Variants in BCAT1 observed in about 807,000 individuals in gnomAD.
BCAT1 encodes the protein branched-chain-amino-acid aminotransferase, cytosolic.
In BCAT1, 48 loss-of-function variants were observed where a neutral mutation model predicts 52.4. The observed-to-expected ratio is 0.92, with a 90% CI of 0.73 to 1.16. The LOEUF is 1.16. Ranked by LOEUF, BCAT1 falls within the 50% of genes most tolerant of loss-of-function variation. The pLI, the probability that BCAT1 is intolerant of heterozygous loss-of-function variation, is 0.00. For missense variants in BCAT1, 451 were observed against 457.1 expected (o/e 0.99, Z 0.12); for synonymous variants, 167 against 161.3 (o/e 1.04, Z -0.27).
chr12:24,919,617 A>G (rs1371867224), intron 1 of BCAT1, among the ~76,000 whole-genome samples: 2 of 152,246 alleles, frequency 1.3e-5, no homozygotes, highest in African/African-American at 4.8e-5. Context: ...GGTAGACCCT[A>G]TAATATACCA....
intron 1 of BCAT1, 119 bp from the exon 2 acceptor site, chr12:24,902,004 A>C: frequency 6.3e-7 from 1 of 1,594,478 alleles, no homozygotes; most frequent in Non-Finnish European, 8.5e-7. Context: ...GGCAAACACA[A>C]AAAAGGAGGC....
At chr12:24,904,538 T>A (rs547746070) in intron 1 of BCAT1, 2 of 152,336 alleles carry the variant, frequency 1.3e-5, no homozygotes, top group East Asian at 3.9e-4. Flanking sequence ...TCCTCCCCAT[T>A]AAGGGCTTCT....
intron 2 of BCAT1, among the ~76,000 whole-genome samples, chr12:24,897,108 C>T (rs574171512): frequency 7.2e-5 from 11 of 152,074 alleles, no homozygotes; most frequent in South Asian, 2.1e-4. Context: ...CAATACAGTA[C>T]GACAAACTTA....
At chr12:24,877,983 A>T (rs1162781758) in intron 5 of BCAT1, among the ~76,000 whole-genome samples, 1 of 152,030 alleles carries the variant, frequency 6.6e-6, no homozygotes, top group Non-Finnish European at 1.5e-5. Context: ...GTGAGACATC[A>T]TCTCTACAAA....
chr12:24,907,603 A>T (rs1943246325), intron 1 of BCAT1, among the ~76,000 whole-genome samples: 1 of 152,184 alleles, frequency 6.6e-6, no homozygotes, highest in African/African-American at 2.4e-5. Context: ...TGCCCTTGCG[A>T]TAATGTACTT....
intron 3 of BCAT1, among the ~76,000 whole-genome samples, chr12:24,887,105 A>G (rs1284485059): frequency 5.6e-5 from 7 of 125,994 alleles, no homozygotes; most frequent in Non-Finnish European, 1.2e-4. Context: ...ATATATATAT[A>G]TATATAAAGC....
intron 1 of BCAT1, among the ~76,000 whole-genome samples, chr12:24,926,362 C>G (rs9668094): frequency 0.33 from 49,930 of 151,750 alleles, 8,958 homozygotes; most frequent in Middle Eastern, 0.53. Flanking sequence ...TGGCCAGCCG[C>G]CCCGTCCGGG....
chr12:24,893,846 C>T (rs1942898359), intron 3 of BCAT1, among the ~76,000 whole-genome samples: 1 of 152,202 alleles, frequency 6.6e-6, no homozygotes, highest in Non-Finnish European at 1.5e-5. Context: ...AATTACATGT[C>T]CCTTAACATG....
At chr12:24,907,991 A>G (rs1943254926) in intron 1 of BCAT1, among the ~76,000 whole-genome samples, 1 of 152,214 alleles carries the variant, frequency 6.6e-6, no homozygotes, top group Admixed American at 6.5e-5. Flanking sequence ...AGTGCCGGAC[A>G]TGCTGTGGAG....
intron 5 of BCAT1, among the ~76,000 whole-genome samples, chr12:24,858,603 T>C (rs933252891): frequency 2.0e-5 from 3 of 152,204 alleles, no homozygotes; most frequent in African/African-American, 7.2e-5. Flanking sequence ...GACTCAGACC[T>C]TATCTGCACT....
At chr12:24,903,165 T>A in intron 1 of BCAT1, 1 of 1,240,964 alleles carries the variant, frequency 8.1e-7, no homozygotes, top group Non-Finnish European at 1.0e-6. Context: ...CCCTCCAGCA[T>A]CCCTTGGGGA....
intron 8 of BCAT1, among the ~76,000 whole-genome samples, chr12:24,836,269 A>G (rs1416583661): frequency 6.6e-6 from 1 of 152,190 alleles, no homozygotes; most frequent in Non-Finnish European, 1.5e-5. Flanking sequence ...TACTACTAGA[A>G]TACTTCTCCA....
chr12:24,883,818 T>C (rs1305784874), intron 3 of BCAT1, among the ~76,000 whole-genome samples: 5 of 152,100 alleles, frequency 3.3e-5, no homozygotes, highest in African/African-American at 7.2e-5. Flanking sequence ...GTGCACCACC[T>C]AGATTCCTGC....
chr12:24,829,277 G>A (rs11047665), intron 10 of BCAT1, among the ~76,000 whole-genome samples: 21,377 of 151,950 alleles, frequency 0.14, 1,894 homozygotes, highest in Middle Eastern at 0.23. Flanking sequence ...CCAGCTACTC[G>A]GGAGGCTGAG....
At chr12:24,910,240 G>C (rs904269183) in intron 1 of BCAT1, among the ~76,000 whole-genome samples, 4 of 152,024 alleles carry the variant, frequency 2.6e-5, no homozygotes, top group African/African-American at 4.8e-5. Context: ...AGCTGGGCTT[G>C]ATGGCGGGTG....
intron 1 of BCAT1, chr12:24,903,145 A>C: frequency 7.7e-7 from 1 of 1,302,920 alleles, no homozygotes; most frequent in Non-Finnish European, 9.7e-7. Context: ...GGCGCAGGGT[A>C]CGACGCAACC....
At chr12:24,948,024 G>A (rs1943960001) in intron 1 of BCAT1, among the ~76,000 whole-genome samples, 1 of 152,226 alleles carries the variant, frequency 6.6e-6, no homozygotes, top group African/African-American at 2.4e-5. Flanking sequence ...GGGATGGGTT[G>A]TAGATAAGAG....
At chr12:24,935,772 C>A (rs1310480186) in intron 1 of BCAT1, among the ~76,000 whole-genome samples, 1 of 152,174 alleles carries the variant, frequency 6.6e-6, no homozygotes, top group East Asian at 1.9e-4. Context: ...CAAACAAATT[C>A]TGCTTCCCAT....
intron 3 of BCAT1, among the ~76,000 whole-genome samples, chr12:24,883,743 G>A (rs973532639): frequency 6.6e-5 from 10 of 152,168 alleles, no homozygotes; most frequent in Non-Finnish European, 1.3e-4. Flanking sequence ...AGGGATGAGC[G>A]TGGGGAGTCT....
Sources: allele counts gnomAD v4.1 joint callset (sites outside exome capture counted in the v4.1 genomes callset), GRCh38; gene constraint gnomAD v4.1.1; transcripts MANE v1.5; gene names NCBI Gene and HGNC (gene_info 2026-07-23, HGNC 2026-07-21).